Variants in FXN observed in about 807,000 individuals in gnomAD.
The protein encoded by FXN is frataxin.
Under a neutral mutation model 22.4 loss-of-function variants are expected in FXN, and 14 were observed. That is an observed-to-expected ratio of 0.62 (90% CI 0.41 to 0.98). The LOEUF (loss-of-function observed/expected upper bound fraction) is 0.98. Ranked by LOEUF, FXN falls within the 50% of genes least tolerant of loss-of-function variation. The pLI is 0.00. For synonymous variants in FXN, 120 were observed against 114.1 expected (o/e 1.05, Z -0.33); for missense variants, 267 against 268.4 (o/e 0.99, Z 0.04).
In FXN at chr9:69,075,920, G is replaced by A. The variant is rs1311784508; in HGVS notation, c.*3158G>A. 2 of 687,932 alleles carry A rather than the reference G, an allele frequency of 2.9e-6. No homozygotes were observed. The highest frequency in any genetic ancestry group is 3.6e-6 in the Non-Finnish European group (2 of 559,442). 42.6% of individuals were successfully genotyped at this position (687,932 alleles called of 1,614,324 possible). A position where few individuals can be genotyped will look rare whatever the true frequency, so the allele number is the denominator to read the frequency against. ...GGGTTTCACCATGTTGCCCAGGCTG[G>A]TCTCTAACACTTAGGCTCAAGTGAT... On this transcript the variant is annotated 3_prime_UTR_variant, in exon 5 of 5. Transcript: ENST00000484259.
In FXN at chr9:69,035,757, G is replaced by A; in HGVS notation, c.-26G>A. On this transcript the variant is annotated 5_prime_UTR_variant, in exon 1 of 5. Coordinates refer to ENST00000484259, the MANE Select transcript of FXN (RefSeq NM_000144.5). The stretch of plus-strand genomic sequence containing the variant: ...GCCGCAGCACCCAGCGCTGGAGGGC[G>A]GAGCGGGCGGCAGACCCGGAGCAGC... 2.0e-6 allele frequency: 3 copies of A among 1,493,214 alleles called. No individual in the cohort carries two copies. The highest frequency in any genetic ancestry group is 2.7e-6 in the Non-Finnish European group (3 of 1,126,670). The allele number at this position is 1,493,214 out of a possible 1,614,324, so 92.5% of individuals were successfully genotyped here. A position where few individuals can be genotyped will look rare whatever the true frequency, so the allele number is the denominator to read the frequency against.
At position 69,075,791 on chromosome 9, in the gene FXN, T is replaced by A; in HGVS notation, c.*3029T>A. On this transcript the variant is annotated 3_prime_UTR_variant, in exon 5 of 5. Transcript: ENST00000484259. ...TGGCACTCAGGCTGGAGGACAGTGG[T>A]ACAATCAAAGCTCATGGCAGCCTCG... 1 of 864,136 alleles carries A rather than the reference T, an allele frequency of 1.2e-6. No homozygotes were observed. Among genetic ancestry groups the A allele is most frequent in the Non-Finnish European group, 1.4e-6 (1 of 719,892 alleles). The allele number at this position is 864,136 out of a possible 1,614,324, so 53.5% of individuals were successfully genotyped here. A position where few individuals can be genotyped will look rare whatever the true frequency, so the allele number is the denominator to read the frequency against.
chr9:69,037,270 C>CAA (rs1203904162), intron 1 of FXN, among the ~76,000 whole-genome samples: 55 of 80,630 alleles, frequency 6.8e-4, no homozygotes, highest in South Asian at 1.4e-3. Flanking sequence ...CTAAAAAATA[C>CAA]AAAAAAAAAA....
chr9:69,041,748 G>A (rs1158418833), intron 1 of FXN, among the ~76,000 whole-genome samples: 2 of 152,184 alleles, frequency 1.3e-5, no homozygotes. Flanking sequence ...GGGTCAAGTG[G>A]TTCCTGACCA....
chr9:69,076,295 T>C lies in FXN; in HGVS notation c.*3533T>C. 1 of 985,234 alleles carries C rather than the reference T, an allele frequency of 1.0e-6. No homozygotes were observed. The highest frequency in any genetic ancestry group is 1.2e-6 in the Non-Finnish European group (1 of 829,840). The allele number at this position is 985,234 out of a possible 1,614,324, so 61.0% of individuals were successfully genotyped here. ...GCCCACAGGCAAAGCACAATCCTGA[T>C]GTGAGAAGTACTCAGTTCATGACAA... On this transcript the variant is annotated 3_prime_UTR_variant, in exon 5 of 5. Transcript: ENST00000484259.
intron 4 of FXN, chr9:69,071,286 A>G (rs776791338): frequency 6.0e-5 from 31 of 518,850 alleles, no homozygotes; most frequent in Non-Finnish European, 1.0e-4. Context: ...TTATCTCCAT[A>G]CTGGGAACAG....
intron 1 of FXN, among the ~76,000 whole-genome samples, chr9:69,043,934 G>C (rs1263736838): frequency 1.3e-5 from 2 of 151,870 alleles, no homozygotes; most frequent in Admixed American, 1.3e-4. Context: ...TGTTGCCCAG[G>C]TTGGTCTCAA....
rs770484040 is a variant in FXN, at chr9:69,046,500, C to T, written c.263+18C>T. On this transcript the variant is annotated intron_variant, in intron 2 of 4. Coordinates refer to ENST00000484259, the MANE Select transcript of FXN (RefSeq NM_000144.5). ...CACCCAGGGTAAGATAAAACACCTT[C>T]CACGTCATAGGTATCTTCCTCTCTC... 6.5e-7 allele frequency: 1 copy of T among 1,547,696 alleles called. No individual in the cohort carries two copies. Among genetic ancestry groups the T allele is most frequent in the East Asian group, 2.2e-5 (1 of 44,484 alleles).
chr9:69,035,818 C>T lies in FXN; in HGVS notation c.36C>T (p.Leu12=), dbSNP rs1399556648. 1.3e-6 allele frequency: 2 copies of T among 1,512,716 alleles called. No individual in the cohort carries two copies. Among genetic ancestry groups the T allele is most frequent in the Non-Finnish European group, 1.8e-6 (2 of 1,137,374 alleles). The allele number at this position is 1,512,716 out of a possible 1,614,324, so 93.7% of individuals were successfully genotyped here. A position where few individuals can be genotyped will look rare whatever the true frequency, so the allele number is the denominator to read the frequency against. Residue 12 remains leucine (L), a synonymous_variant, in exon 1 of 5, where the codon CTC becomes CTT. Transcript: ENST00000484259. Reference sequence around the variant, plus strand: ...TCGGGCGCCGCGCAGTAGCCGGCCTCCTGGCGTCACCCAGCCCAGCCCAGG... The same window carrying T: ...TCGGGCGCCGCGCAGTAGCCGGCCTTCTGGCGTCACCCAGCCCAGCCCAGG... The part of the protein sequence containing the change: ...WTLGRRAVAG[L]LASPSPAQAQ...
Position 69,052,211 on chromosome 9 carries a change from T to C in FXN, c.264-929T>C, listed in dbSNP as rs531144244. On this transcript the variant is annotated intron_variant, in intron 2 of 4. Coordinates refer to ENST00000484259, the MANE Select transcript of FXN (RefSeq NM_000144.5). ...CTCTGTCACCCAGGCTGGAGTGCAG[T>C]GGCACAATGTCAGCTCATTGCAACC... Among the ~76,000 whole-genome samples, 4 of 151,578 alleles carry C rather than the reference T, an allele frequency of 2.6e-5. No individual in the cohort carries two copies. In the South Asian group the frequency reaches 8.3e-4, roughly 32 times the overall value.
Position 69,074,367 on chromosome 9 carries a change from T to G in FXN, c.*1605T>G. On this transcript the variant is annotated 3_prime_UTR_variant, in exon 5 of 5. Coordinates refer to ENST00000484259, the MANE Select transcript of FXN (RefSeq NM_000144.5). ...TGCTCATGTTATATTATTTTCTTAC[T>G]TAAAGAAGGATTTATTAGTGGCTGG... 1.0e-6 allele frequency: 1 copy of G among 985,246 alleles called. No homozygotes were observed. Among genetic ancestry groups the G allele is most frequent in the Non-Finnish European group, 1.2e-6 (1 of 829,854 alleles). 61.0% of individuals were successfully genotyped at this position (985,246 alleles called of 1,614,324 possible).
intron 2 of FXN, among the ~76,000 whole-genome samples, chr9:69,050,287 A>C (rs1831827630): frequency 6.6e-6 from 1 of 152,232 alleles, no homozygotes; most frequent in Non-Finnish European, 1.5e-5. Flanking sequence ...CTGTGATATT[A>C]CAAAGGAATA....
chr9:69,069,926 G>T (rs1023989190), intron 4 of FXN, among the ~76,000 whole-genome samples: 5 of 152,182 alleles, frequency 3.3e-5, no homozygotes, highest in African/African-American at 1.2e-4. Context: ...CTTCCAATTT[G>T]CTGTAAGAAA....
intron 4 of FXN, among the ~76,000 whole-genome samples, chr9:69,071,592 C>T (rs1413285517): frequency 6.6e-6 from 1 of 152,226 alleles, no homozygotes; most frequent in African/African-American, 2.4e-5. Flanking sequence ...TCCGATCTGT[C>T]CACACGAATA....
In FXN at chr9:69,075,722, A is replaced by G; in HGVS notation, c.*2960A>G. On this transcript the variant is annotated 3_prime_UTR_variant, in exon 5 of 5. Transcript: ENST00000484259. Reference sequence around the variant, plus strand: ...GGAATTGCATAATACAATCTTAGAAAACTTTTTTTTCCCCTTTCTATTTTT... The same window carrying G: ...GGAATTGCATAATACAATCTTAGAAGACTTTTTTTTCCCCTTTCTATTTTT... 1 of 984,884 alleles carries G rather than the reference A, an allele frequency of 1.0e-6. No individual in the cohort carries two copies. Among genetic ancestry groups the G allele is most frequent in the Non-Finnish European group, 1.2e-6 (1 of 829,510 alleles). The allele number at this position is 984,884 out of a possible 1,614,324, so 61.0% of individuals were successfully genotyped here.
At chr9:69,036,370 A>G (rs1831551558) in intron 1 of FXN, among the ~76,000 whole-genome samples, 1 of 152,288 alleles carries the variant, frequency 6.6e-6, no homozygotes, top group South Asian at 2.1e-4. Context: ...GTGTATCTGT[A>G]TATAGCGTGT....
intron 4 of FXN, among the ~76,000 whole-genome samples, chr9:69,069,408 G>A (rs1315193951): frequency 6.6e-6 from 1 of 152,218 alleles, no homozygotes; most frequent in African/African-American, 2.4e-5. Context: ...GAATGAAACA[G>A]GCCATGAATG....
intron 3 of FXN, among the ~76,000 whole-genome samples, chr9:69,060,268 A>G (rs567104262): frequency 2.2e-4 from 33 of 152,070 alleles, no homozygotes; most frequent in Non-Finnish European, 3.8e-4. Context: ...CTACTCGGGA[A>G]GCTGAGGCAG....
chr9:69,052,863 G>A lies in FXN; in HGVS notation c.264-277G>A, dbSNP rs1158885834. 1.3e-5 allele frequency among the ~76,000 whole-genome samples: 2 copies of A among 151,454 alleles called. No homozygotes were observed. Among genetic ancestry groups the A allele is most frequent in the African/African-American group, 4.8e-5 (2 of 41,260 alleles). ...GGCCTTTAAATTTTTACTTTGGGCCGGGCACGGTGCCTTACGCCTGTAATC... is the reference window on the plus strand; with the variant it reads ...GGCCTTTAAATTTTTACTTTGGGCCAGGCACGGTGCCTTACGCCTGTAATC... On this transcript the variant is annotated intron_variant, in intron 2 of 4. Transcript: ENST00000484259.
Sources: allele counts gnomAD v4.1 joint callset (sites outside exome capture counted in the v4.1 genomes callset), GRCh38; gene constraint gnomAD v4.1.1; transcripts MANE v1.5; gene names NCBI Gene and HGNC (gene_info 2026-07-23, HGNC 2026-07-21).